The following PLXNC1 variants were observed in gnomAD, a reference collection of about 807,000 sequenced individuals.
PLXNC1 encodes the protein plexin C1.
In PLXNC1, 75 loss-of-function variants were observed where a neutral mutation model predicts 178.2. That is an observed-to-expected ratio of 0.42 (90% confidence interval 0.35 to 0.51). The LOEUF (loss-of-function observed/expected upper bound fraction) is 0.51, where lower values mean the gene tolerates loss of function less well. Among genes scored for constraint, PLXNC1 ranks in the 20% least tolerant of loss-of-function variants. PLXNC1 has a pLI of 0.02. For synonymous variants in PLXNC1, 790 were observed against 779.9 expected (o/e 1.01, Z -0.22); for missense variants, 1,503 against 1,984.4 (o/e 0.76, Z 4.61).
intron 2 of PLXNC1, among the ~76,000 whole-genome samples, chr12:94,177,777 C>T (rs1374435882): frequency 6.6e-6 from 1 of 152,132 alleles, no homozygotes; most frequent in Non-Finnish European, 1.5e-5. Context: ...AAATAAGCCC[C>T]CAATAAAAAC....
chr12:94,258,855 G>A (rs1964923639), intron 17 of PLXNC1, among the ~76,000 whole-genome samples: 1 of 152,270 alleles, frequency 6.6e-6, no homozygotes, highest in Non-Finnish European at 1.5e-5. Flanking sequence ...AACCCAAGTA[G>A]TTTGGTCCAG....
chr12:94,150,425 A>T (rs1565781923), intron 1 of PLXNC1, among the ~76,000 whole-genome samples: 1 of 152,174 alleles, frequency 6.6e-6, no homozygotes, highest in African/African-American at 2.4e-5. Flanking sequence ...TAGTCCCAGC[A>T]GGCGTGTGGG....
chr12:94,184,218 A>G lies in PLXNC1; in HGVS notation c.1339-2155A>G, dbSNP rs188321273. Among the ~76,000 whole-genome samples, 359 of 150,252 alleles carry G rather than the reference A, an allele frequency of 2.4e-3. 3 individuals are homozygous for G. Among genetic ancestry groups the G allele is most frequent in the African/African-American group, 8.4e-3 (341 of 40,718 alleles). Reference sequence around the variant, plus strand: ...TGCAACCTCCGCCTCCACAGGTTCAAGCAGTTCTCCTGTCTCAGCCTCCCT... The same window carrying G: ...TGCAACCTCCGCCTCCACAGGTTCAGGCAGTTCTCCTGTCTCAGCCTCCCT... On this transcript the variant is annotated intron_variant, in intron 3 of 30. Transcript: ENST00000258526.
chr12:94,160,336 C>T (rs1186645926), intron 1 of PLXNC1, among the ~76,000 whole-genome samples: 1 of 152,096 alleles, frequency 6.6e-6, no homozygotes, highest in Admixed American at 6.5e-5. Flanking sequence ...GAGATGAGTG[C>T]GTCCAAGAGG....
At chr12:94,178,162 G>A (rs187682294) in intron 2 of PLXNC1, among the ~76,000 whole-genome samples, 45 of 152,236 alleles carry the variant, frequency 3.0e-4, no homozygotes, top group Admixed American at 1.4e-3. Flanking sequence ...CCCTGCCACT[G>A]ACTTAACTGA....
rs548517219 is a variant in PLXNC1, at chr12:94,278,958, A to C, written c.3598-514A>C. ...GGTTGCAGTGAGCCAAGATAGCACC[A>C]TTGAACTCCAGCCTGGGTGACAGAG... On this transcript the variant is annotated intron_variant, in intron 21 of 30. Transcript: ENST00000258526. Among the ~76,000 whole-genome samples the C allele has an allele frequency of 1.4e-4, 21 of 151,810 alleles. No individual in the cohort carries two copies. The South Asian group carries it at 3.5e-3, about 26-fold the overall frequency.
At chr12:94,193,496 C>A (rs1592751424) in intron 4 of PLXNC1, among the ~76,000 whole-genome samples, 1 of 152,192 alleles carries the variant, frequency 6.6e-6, no homozygotes, top group South Asian at 2.1e-4. Flanking sequence ...AAAATAAAAT[C>A]TCAAGGTGGC....
At chr12:94,303,112 TATTTA>T (rs1461001993) in intron 28 of PLXNC1, among the ~76,000 whole-genome samples, 1 of 152,208 alleles carries the variant, frequency 6.6e-6, no homozygotes, top group African/African-American at 2.4e-5. Flanking sequence ...AATAAAATCA[TATTTA>T]ATTTTTAAAT....
At chr12:94,243,482 T>A (rs1964447047) in intron 11 of PLXNC1, among the ~76,000 whole-genome samples, 1 of 152,272 alleles carries the variant, frequency 6.6e-6, no homozygotes, top group Non-Finnish European at 1.5e-5. Flanking sequence ...TTGCCCAAAG[T>A]GTTTCCTGTC....
chr12:94,256,594 C>T (rs545917485), intron 17 of PLXNC1, among the ~76,000 whole-genome samples: 1 of 152,128 alleles, frequency 6.6e-6, no homozygotes, highest in Admixed American at 6.5e-5. Flanking sequence ...GGGGCTTCTG[C>T]AAAGGTTGCA....
At position 94,247,960 on chromosome 12, in the gene PLXNC1, T is replaced by C; in HGVS notation, c.2446T>C (p.Ser816Pro). The change falls in exon 13 of 31, where the codon TCA becomes CCA. Residue 816 changes from serine (S) to proline (P), a missense_variant. By Grantham distance (74) the Ser-to-Pro change is moderately conservative. Transcript: ENST00000258526. ...CGFLAPSLKS[S>P]KVRTNVTVKL... ...GTTTTTAGCCCCCAGTTTAAAGAGT[T>C]CAAAAGTGCGCACGAATGTCACTGT... 1 of 1,614,110 alleles carries C rather than the reference T, an allele frequency of 6.2e-7. No individual in the cohort carries two copies. Among genetic ancestry groups the C allele is most frequent in the African/African-American group, 1.3e-5 (1 of 75,008 alleles).
At chr12:94,224,462 C>T (rs902457797) in intron 7 of PLXNC1, 147 bp downstream of exon 7, 17 of 643,672 alleles carry the variant, frequency 2.6e-5, no homozygotes, top group Middle Eastern at 3.3e-4. Context: ...GATAGGAGAG[C>T]CACCGAGCTA....
In PLXNC1 at chr12:94,248,393, A is replaced by G. The variant is rs1964590126; in HGVS notation, c.2759A>G (p.Asn920Ser). The change falls in exon 14 of 31, where the codon AAC (asparagine) becomes AGC (serine). Residue 920 changes from asparagine to serine, a missense_variant. Transcript: ENST00000258526. The part of the protein sequence containing the change: ...KGIKTASTIA[N>S]SSKKVRVKLG... ...ATCAAGACTGCAAGCACCATTGCCA[A>G]CTCTTCTAAGAAAGTTCGGGTAAGT... 1 of 1,606,488 alleles carries G rather than the reference A, an allele frequency of 6.2e-7. No individual in the cohort carries two copies. Among genetic ancestry groups the G allele is most frequent in the African/African-American group, 1.3e-5 (1 of 74,484 alleles).
At chr12:94,297,546 A>G (rs1359773988) in intron 26 of PLXNC1, 123 bp downstream of exon 26, 1 of 678,084 alleles carries the variant, frequency 1.5e-6, no homozygotes, top group Non-Finnish European at 2.6e-6. Context: ...AAGCAAAATG[A>G]AAGTTTAAAT....
chr12:94,207,278 G>A (rs905506723), intron 4 of PLXNC1, among the ~76,000 whole-genome samples: 4 of 151,852 alleles, frequency 2.6e-5, no homozygotes, highest in Admixed American at 1.3e-4. Context: ...TGCTTAACAT[G>A]GTTAGATTTT....
At chr12:94,278,660 G>C (rs1435496709) in intron 21 of PLXNC1, among the ~76,000 whole-genome samples, 2 of 152,160 alleles carry the variant, frequency 1.3e-5, no homozygotes, top group Middle Eastern at 3.2e-3. Flanking sequence ...TGAAAGCGGA[G>C]GGGTAGATGA....
At chr12:94,270,482 A>G (rs1965503950) in intron 21 of PLXNC1, among the ~76,000 whole-genome samples, 1 of 152,124 alleles carries the variant, frequency 6.6e-6, no homozygotes, top group African/African-American at 2.4e-5. Flanking sequence ...CAAACCCACA[A>G]ACAGGTTGGC....
chr12:94,258,455 A>G (rs1371811793), intron 17 of PLXNC1, among the ~76,000 whole-genome samples: 1 of 152,242 alleles, frequency 6.6e-6, no homozygotes, highest in Admixed American at 6.5e-5. Flanking sequence ...TTCTATTATT[A>G]TCAAAAAAGA....
Position 94,179,859 on chromosome 12 carries a change from T to G in PLXNC1, c.1204-1587T>G, listed in dbSNP as rs186058314. ...CTAAGCATCTTTCATAGTTCTTATTTGATCCTTACAAAACTGTAATAAGGA... is the reference window on the plus strand; with the variant it reads ...CTAAGCATCTTTCATAGTTCTTATTGGATCCTTACAAAACTGTAATAAGGA... On this transcript the variant is annotated intron_variant, in intron 2 of 30. Coordinates refer to ENST00000258526, the MANE Select transcript of PLXNC1 (RefSeq NM_005761.3). 2.8e-3 allele frequency among the ~76,000 whole-genome samples: 419 copies of G among 152,304 alleles called. 2 individuals are homozygous for G. Among genetic ancestry groups the G allele is most frequent in the African/African-American group, 9.8e-3 (406 of 41,570 alleles).
Sources: allele counts gnomAD v4.1 joint callset (sites outside exome capture counted in the v4.1 genomes callset), GRCh38; gene constraint gnomAD v4.1.1; transcripts MANE v1.5; gene names NCBI Gene and HGNC (gene_info 2026-07-23, HGNC 2026-07-21).